The following PHF12 variants were observed in gnomAD, a reference collection of about 807,000 sequenced individuals.
PHF12 encodes the protein PHD finger protein 12, also known as PHD factor 1.
PHF12 carries 6 observed loss-of-function variants against 99.8 expected under a neutral mutation model. The ratio of observed to expected loss-of-function variants is 0.06; its 90% confidence interval spans 0.03 to 0.12. The LOEUF is 0.12. Among genes scored for constraint, PHF12 ranks in the 10% least tolerant of loss-of-function variants. The pLI, the probability that PHF12 is intolerant of heterozygous loss-of-function variation, is 1.00. For synonymous variants in PHF12, 480 were observed against 514.9 expected, an observed-to-expected ratio of 0.93 and a Z score of 0.92; for missense variants, 954 against 1,300.1, an observed-to-expected ratio of 0.73 and a Z score of 4.09.
At chr17:28,918,355 G>C (rs1343497283) in intron 6 of PHF12, among the ~76,000 whole-genome samples, 1 of 152,144 alleles carries the variant, frequency 6.6e-6, no homozygotes, top group Non-Finnish European at 1.5e-5. Context: ...AGCAAAACAA[G>C]ACTAGATTTT....
chr17:28,926,691 C>T, intron 3 of PHF12: 1 of 1,044,926 alleles, frequency 9.6e-7, no homozygotes, highest in Non-Finnish European at 1.3e-6. Context: ...TGTTTTTCAG[C>T]CATGGATAAG....
intron 2 of PHF12, among the ~76,000 whole-genome samples, chr17:28,931,841 CA>C (rs2040415164): frequency 6.6e-6 from 1 of 152,150 alleles, no homozygotes; most frequent in South Asian, 2.1e-4. Context: ...CTCGGCCTCC[CA>C]AAGTACTGGG....
rs949413085 is a variant in PHF12, at chr17:28,951,015, G to C, written c.-55C>G. On this transcript the variant is annotated 5_prime_UTR_variant, in exon 1 of 15. Transcript: ENST00000332830. ...GCTCCGGCCCCCCCAACCCCGGGGG[G>C]AGGGGGGAGGTGAGGGGAGGGGGCG... is the stretch of plus-strand genomic sequence containing the variant. The C allele has an allele frequency of 6.2e-7, 1 of 1,609,770 alleles. No homozygotes were observed. Among genetic ancestry groups the C allele is most frequent in the Non-Finnish European group, 8.5e-7 (1 of 1,177,754 alleles).
At chr17:28,910,497 A>AT in intron 10 of PHF12, 128 bp from the exon 11 acceptor site, 1 of 1,143,332 alleles carries the variant, frequency 8.7e-7, no homozygotes, top group Non-Finnish European at 1.2e-6. Context: ...CTCAAACAGC[A>AT]TTGAGTGCAG....
At chr17:28,933,167 G>A (rs925537889) in intron 2 of PHF12, among the ~76,000 whole-genome samples, 1 of 152,126 alleles carries the variant, frequency 6.6e-6, no homozygotes, top group African/African-American at 2.4e-5. Flanking sequence ...TAAAAGTCAC[G>A]TAACACTGAG....
Position 28,915,220 on chromosome 17 carries a change from G to C in PHF12, c.1135-1183C>G, listed in dbSNP as rs569543996. The stretch of plus-strand genomic sequence containing the variant: ...GAGGGGGAGAAGCATGTAAGGCATA[G>C]AGATGTGATAGCACTTTGTGGATTT... On this transcript the variant is annotated intron_variant, in intron 7 of 14. Coordinates refer to ENST00000332830, the MANE Select transcript of PHF12 (RefSeq NM_001033561.2). Among the ~76,000 whole-genome samples the C allele has an allele frequency of 5.1e-4, 77 of 152,324 alleles. 1 individual carries two copies. Among genetic ancestry groups the C allele is most frequent in the Middle Eastern group, 6.8e-3 (2 of 294 alleles).
chr17:28,920,969 G>A (rs750849783), intron 5 of PHF12, among the ~76,000 whole-genome samples: 7 of 150,862 alleles, frequency 4.6e-5, no homozygotes, highest in East Asian at 2.0e-4. Context: ...CGCCTCCCAG[G>A]TTCATGCCAT....
rs181154950 is a variant in PHF12 at position 28,930,245 on chromosome 17, C to T, written c.249-3182G>A. On this transcript the variant is annotated intron_variant, in intron 2 of 14. Coordinates refer to ENST00000332830, the MANE Select transcript of PHF12 (RefSeq NM_001033561.2). ...TCTTTATCTTTTGAGACTCAAGTCA[C>T]GTATTCTTTCCAGGAAGCTTTCTCT... Among the ~76,000 whole-genome samples, 7 of 152,310 alleles carry T rather than the reference C, an allele frequency of 4.6e-5. No individual in the cohort carries two copies. In the East Asian group the frequency reaches 9.6e-4, roughly 21 times the overall value.
intron 7 of PHF12, among the ~76,000 whole-genome samples, chr17:28,914,532 C>T (rs990273549): frequency 6.6e-6 from 1 of 151,642 alleles, no homozygotes; most frequent in African/African-American, 2.4e-5. Flanking sequence ...ATTAGCCGGG[C>T]GTGGTGGTGG....
chr17:28,945,901 C>T (rs1224958602), intron 2 of PHF12, among the ~76,000 whole-genome samples: 1 of 152,048 alleles, frequency 6.6e-6, no homozygotes, highest in African/African-American at 2.4e-5. Context: ...TTTGGGAGGC[C>T]GAGGCGGGTG....
intron 2 of PHF12, among the ~76,000 whole-genome samples, chr17:28,928,898 A>G (rs2040336324): frequency 6.6e-6 from 1 of 151,848 alleles, no homozygotes; most frequent in Non-Finnish European, 1.5e-5. Flanking sequence ...GAGTTTGAGA[A>G]CAGCCTGGCC....
At chr17:28,918,495 C>T (rs968119493) in intron 6 of PHF12, among the ~76,000 whole-genome samples, 6 of 152,238 alleles carry the variant, frequency 3.9e-5, no homozygotes, top group African/African-American at 1.2e-4. Flanking sequence ...TGAAGGCCAA[C>T]GGTCATTCCA....
intron 13 of PHF12, 188 bp downstream of exon 13, chr17:28,907,402 C>A: frequency 1.7e-6 from 1 of 597,102 alleles, no homozygotes; most frequent in Non-Finnish European, 2.9e-6. Context: ...TCCTGGGAAG[C>A]AGGTAGCTTC....
At chr17:28,911,552 G>C (rs1451613196) in intron 9 of PHF12, among the ~76,000 whole-genome samples, 1 of 152,218 alleles carries the variant, frequency 6.6e-6, no homozygotes, top group Non-Finnish European at 1.5e-5. Context: ...TTTAAAATAA[G>C]TAGTGCCTGC....
In PHF12 at chr17:28,906,788, G is replaced by C; in HGVS notation, c.2680+68C>G. The C allele has an allele frequency of 6.6e-7, 1 of 1,526,214 alleles. No individual in the cohort carries two copies. Among genetic ancestry groups the C allele is most frequent in the South Asian group, 1.3e-5 (1 of 79,572 alleles). 94.5% of individuals were successfully genotyped at this position (1,526,214 alleles called of 1,614,324 possible). ...CTGGGAAGGCAAGAGACAGACCATG[G>C]GCAGCAAGTCAGAACCACCCTGACT... On this transcript the variant is annotated intron_variant, in intron 14 of 14. Coordinates refer to ENST00000332830, the MANE Select transcript of PHF12 (RefSeq NM_001033561.2). This position sits in a 1 kb window ranked among gnomAD's most constrained non-coding sequence, Gnocchi z 4.2.
At chr17:28,916,979 A>T (rs1253704149) in intron 7 of PHF12, among the ~76,000 whole-genome samples, 1 of 152,164 alleles carries the variant, frequency 6.6e-6, no homozygotes, top group Non-Finnish European at 1.5e-5. Flanking sequence ...AGATAGAATG[A>T]GCGTTAGGTG....
At chr17:28,939,956 G>A (rs1598158170) in intron 2 of PHF12, among the ~76,000 whole-genome samples, 1 of 152,216 alleles carries the variant, frequency 6.6e-6, no homozygotes, top group East Asian at 1.9e-4. Flanking sequence ...AGAGAGCCCA[G>A]ATCAGTAGGA....
intron 2 of PHF12, among the ~76,000 whole-genome samples, chr17:28,940,353 C>T (rs1163076537): frequency 3.3e-5 from 5 of 152,304 alleles, no homozygotes; most frequent in South Asian, 4.1e-4. Flanking sequence ...TTATGTAGTA[C>T]GATTGTAGCA....
intron 10 of PHF12, 74 bp downstream of exon 10, chr17:28,911,038 A>G: frequency 6.3e-7 from 1 of 1,587,806 alleles, no homozygotes. Flanking sequence ...CCTTTCTGAA[A>G]TGAGCTGAAT....
Sources: allele counts gnomAD v4.1 joint callset (sites outside exome capture counted in the v4.1 genomes callset), GRCh38; gene constraint gnomAD v4.1.1; non-coding constraint Gnocchi (gnomAD v3.1); transcripts MANE v1.5; gene names NCBI Gene and HGNC (gene_info 2026-07-23, HGNC 2026-07-21).